The following STARD3NL variants were observed in gnomAD, a reference collection of about 807,000 sequenced individuals.
The protein encoded by STARD3NL is STARD3 N-terminal-like protein.
In STARD3NL, 17 loss-of-function variants were observed where a neutral mutation model predicts 30.9. The observed-to-expected ratio is 0.55, with a 90% CI of 0.38 to 0.82. The LOEUF (loss-of-function observed/expected upper bound fraction) is 0.82, where lower values mean the gene tolerates loss of function less well. Ranked by LOEUF, STARD3NL falls within the 40% of genes least tolerant of loss-of-function variation. The pLI, the probability that STARD3NL is intolerant of heterozygous loss-of-function variation, is 0.00. For synonymous variants in STARD3NL, 112 were observed against 100.5 expected, an observed-to-expected ratio of 1.11 and a Z score of -0.69; for missense variants, 234 against 277.6, an observed-to-expected ratio of 0.84 and a Z score of 1.12.
rs186510027 is a variant in STARD3NL at position 38,181,640 on chromosome 7, T to G, written c.-59+3220T>G. On this transcript the variant is annotated intron_variant, in intron 1 of 8. Transcript: ENST00000009041. ...GAATAATTTTAATGGAATTAGTATCTTCTTTTTTAAATATTGGAAGGTACT... is the reference window on the plus strand; with the variant it reads ...GAATAATTTTAATGGAATTAGTATCGTCTTTTTTAAATATTGGAAGGTACT... Among the ~76,000 whole-genome samples, 232 of 152,346 alleles carry G rather than the reference T, an allele frequency of 1.5e-3. 1 individual carries two copies. Among genetic ancestry groups the G allele is most frequent in the Admixed American group, 3.4e-3 (52 of 15,300 alleles).
At chr7:38,190,367 G>A (rs1784634572) in intron 1 of STARD3NL, among the ~76,000 whole-genome samples, 1 of 152,148 alleles carries the variant, frequency 6.6e-6, no homozygotes, top group African/African-American at 2.4e-5. Flanking sequence ...CTTCAGATAA[G>A]GTTGGGGAGG....
intron 1 of STARD3NL, among the ~76,000 whole-genome samples, chr7:38,201,484 A>G (rs1785173652): frequency 6.6e-6 from 1 of 152,168 alleles, no homozygotes; most frequent in Admixed American, 6.5e-5. Context: ...CTTGAAAATG[A>G]TCTTCCTCCT....
intron 7 of STARD3NL, 32 bp downstream of exon 7, chr7:38,219,692 T>C (rs1378917530): frequency 6.4e-7 from 1 of 1,566,726 alleles, no homozygotes; most frequent in Admixed American, 1.7e-5. Context: ...TGTGCTTGTA[T>C]CTCTCATTCA....
chr7:38,225,043 G>A lies in STARD3NL; in HGVS notation c.650-3756G>A, dbSNP rs145542119. On this transcript the variant is annotated intron_variant, in intron 7 of 8. Transcript: ENST00000009041. Reference sequence around the variant, plus strand: ...TATGGGGTCTTTTTGATCATATCCCGGCTAGCAGATTTAAAGTGGTATCTC... The same window carrying A: ...TATGGGGTCTTTTTGATCATATCCCAGCTAGCAGATTTAAAGTGGTATCTC... Among the ~76,000 whole-genome samples the A allele has an allele frequency of 2.0e-3, 301 of 151,982 alleles. 2 individuals are homozygous for A. Among genetic ancestry groups the A allele is most frequent in the African/African-American group, 6.9e-3 (286 of 41,472 alleles).
rs1022001383 is a variant in STARD3NL, at chr7:38,230,611, A to G, written c.*706A>G. 3 of 152,224 alleles carry G rather than the reference A, an allele frequency of 2.0e-5. No homozygotes were observed. Among genetic ancestry groups the G allele is most frequent in the African/African-American group, 7.2e-5 (3 of 41,450 alleles). The allele number at this position is 152,224 out of a possible 1,614,324, so 9.4% of individuals were successfully genotyped here. On this transcript the variant is annotated 3_prime_UTR_variant, in exon 9 of 9. Coordinates refer to ENST00000009041, the MANE Select transcript of STARD3NL (RefSeq NM_032016.4). ...ATTTTGAATGCACAAAATGACTTAA[A>G]CCATTCATATCATGTTTCCTTTGCG...
chr7:38,200,788 T>G (rs1056398271), intron 1 of STARD3NL, among the ~76,000 whole-genome samples: 1 of 152,112 alleles, frequency 6.6e-6, no homozygotes, highest in Non-Finnish European at 1.5e-5. Flanking sequence ...ATTGTTTTTT[T>G]GGGGGGATGG....
intron 1 of STARD3NL, among the ~76,000 whole-genome samples, chr7:38,189,662 G>C (rs1186543035): frequency 6.6e-6 from 1 of 152,192 alleles, no homozygotes; most frequent in Non-Finnish European, 1.5e-5. Context: ...ACCATTTTCA[G>C]TTATATAAGT....
intron 1 of STARD3NL, among the ~76,000 whole-genome samples, chr7:38,194,489 C>A (rs1373195414): frequency 6.6e-6 from 1 of 151,876 alleles, no homozygotes; most frequent in Non-Finnish European, 1.5e-5. Flanking sequence ...AGCTTTCTAA[C>A]CTTATTATTT....
intron 1 of STARD3NL, among the ~76,000 whole-genome samples, chr7:38,182,166 A>G (rs995163876): frequency 1.3e-5 from 2 of 152,166 alleles, no homozygotes; most frequent in Admixed American, 1.3e-4. Context: ...AGTTTTTTGC[A>G]GATTGTAGAG....
At chr7:38,212,778 A>T (rs1463073746) in intron 2 of STARD3NL, among the ~76,000 whole-genome samples, 2 of 152,172 alleles carry the variant, frequency 1.3e-5, no homozygotes, top group African/African-American at 4.8e-5. Context: ...TGATAGGCCG[A>T]TTTTATCATC....
At chr7:38,212,192 A>G (rs1785846721) in intron 2 of STARD3NL, among the ~76,000 whole-genome samples, 1 of 152,122 alleles carries the variant, frequency 6.6e-6, no homozygotes, top group Non-Finnish European at 1.5e-5. Context: ...TAAAATCCAA[A>G]TGTCGTACTT....
intron 7 of STARD3NL, among the ~76,000 whole-genome samples, chr7:38,220,641 A>G (rs1583826699): frequency 6.6e-6 from 1 of 152,396 alleles, no homozygotes; most frequent in African/African-American, 2.4e-5. Flanking sequence ...ACCCCTGGGT[A>G]TGTACCCAAA....
At chr7:38,185,704 C>G (rs1378161239) in intron 1 of STARD3NL, among the ~76,000 whole-genome samples, 2 of 152,198 alleles carry the variant, frequency 1.3e-5, no homozygotes. Flanking sequence ...CTATGAATAG[C>G]TGTGCTGGCT....
chr7:38,199,558 C>T (rs931399633), intron 1 of STARD3NL, among the ~76,000 whole-genome samples: 3 of 152,102 alleles, frequency 2.0e-5, no homozygotes, highest in Non-Finnish European at 4.4e-5. Flanking sequence ...GTGTGGTAAG[C>T]AGTATCATTA....
At chr7:38,183,906 T>C (rs1037844008) in intron 1 of STARD3NL, among the ~76,000 whole-genome samples, 3 of 152,206 alleles carry the variant, frequency 2.0e-5, no homozygotes, top group African/African-American at 4.8e-5. Context: ...TCCAACCATA[T>C]GTGTAAGTTT....
At chr7:38,194,094 A>G (rs913860062) in intron 1 of STARD3NL, among the ~76,000 whole-genome samples, 13 of 152,068 alleles carry the variant, frequency 8.5e-5, no homozygotes, top group African/African-American at 3.1e-4. Context: ...GGTTTATTCT[A>G]TTCAGGTCAT....
chr7:38,180,879 C>A (rs555350295), intron 1 of STARD3NL, among the ~76,000 whole-genome samples: 6 of 152,342 alleles, frequency 3.9e-5, no homozygotes, highest in Non-Finnish European at 7.3e-5. Flanking sequence ...AATGGCCAAA[C>A]TTCTATCAAA....
chr7:38,195,999 G>C (rs1487380778), intron 1 of STARD3NL, among the ~76,000 whole-genome samples: 1 of 152,186 alleles, frequency 6.6e-6, no homozygotes, highest in African/African-American at 2.4e-5. Flanking sequence ...GAGCCCACTT[G>C]CAAGTGGCTT....
At chr7:38,195,902 C>T (rs934635161) in intron 1 of STARD3NL, among the ~76,000 whole-genome samples, 12 of 152,174 alleles carry the variant, frequency 7.9e-5, no homozygotes, top group African/African-American at 2.4e-4. Context: ...GAAACTACTC[C>T]GTATTATCAC....
Sources: gnomAD v4.1 joint callset for allele counts (sites outside exome capture counted in the v4.1 genomes callset) on GRCh38, gnomAD v4.1.1 for gene constraint, MANE v1.5 for transcripts, NCBI Gene and HGNC (gene_info 2026-07-23, HGNC 2026-07-21) for gene names.